NLGN1: variants seen among roughly 807,000 people sequenced by gnomAD.
The protein encoded by NLGN1 is neuroligin 1, also known as neuroligin-1.
NLGN1 carries 12 observed loss-of-function variants against 65.5 expected under a neutral mutation model. That is an observed-to-expected ratio of 0.18 (90% confidence interval 0.12 to 0.30). The LOEUF (loss-of-function observed/expected upper bound fraction) is 0.30. NLGN1 is among the 10% of genes least tolerant of loss of function. The pLI, the probability that NLGN1 is intolerant of heterozygous loss-of-function variation, is 1.00. For synonymous variants in NLGN1, 350 were observed against 359.5 expected (o/e 0.97, Z 0.30); for missense variants, 750 against 1,007.1 (o/e 0.74, Z 3.46).
At chr3:174,026,613 G>C (rs1728884416) in intron 4 of NLGN1, among the ~76,000 whole-genome samples, 1 of 152,150 alleles carries the variant, frequency 6.6e-6, no homozygotes, top group Non-Finnish European at 1.5e-5. Context: ...CATATATCAA[G>C]CTTAATAGAG....
intron 4 of NLGN1, among the ~76,000 whole-genome samples, chr3:173,926,652 C>A (rs558671795): frequency 6.6e-6 from 1 of 152,324 alleles, no homozygotes; most frequent in East Asian, 1.9e-4. Flanking sequence ...ATTTTCATTA[C>A]CTGTAGCTAT....
intron 3 of NLGN1, among the ~76,000 whole-genome samples, chr3:173,748,374 C>T (rs1183476222): frequency 6.6e-6 from 1 of 152,024 alleles, no homozygotes; most frequent in Non-Finnish European, 1.5e-5. Context: ...ATACTATCTA[C>T]TGGGTATGTG....
intron 4 of NLGN1, among the ~76,000 whole-genome samples, chr3:174,177,354 A>G (rs76662003): frequency 0.015 from 2,295 of 152,192 alleles, 58 homozygotes; most frequent in African/African-American, 0.052. Flanking sequence ...GCTTCTTCAG[A>G]AAATCACTAG....
At chr3:174,275,391 T>C in exon 5 of NLGN1, 3 of 1,612,682 alleles carry the variant, frequency 1.9e-6, no homozygotes, top group Non-Finnish European at 2.5e-6. Flanking sequence ...TAAGATGGAC[T>C]AGTGAAAACA....
At chr3:173,939,476 G>A (rs1282954921) in intron 4 of NLGN1, among the ~76,000 whole-genome samples, 2 of 152,064 alleles carry the variant, frequency 1.3e-5, no homozygotes, top group Non-Finnish European at 2.9e-5. Context: ...CCACAAGGAG[G>A]ATTATACATA....
At chr3:173,776,664 G>A (rs189019494) in intron 3 of NLGN1, among the ~76,000 whole-genome samples, 15 of 152,010 alleles carry the variant, frequency 9.9e-5, no homozygotes, top group Admixed American at 5.2e-4. Flanking sequence ...AATTGGGCAG[G>A]TATGGAAGTG....
At position 173,604,807 on chromosome 3, in the gene NLGN1, A is replaced by G. The variant is rs775571610; in HGVS notation, c.209A>G (p.Asn70Ser). ...ATAAGAGGGATTAAGAAGGAACTCAATAATGAAATTTTGGGGCCTGTTATT... is the reference window on the plus strand; with the variant it reads ...ATAAGAGGGATTAAGAAGGAACTCAGTAATGAAATTTTGGGGCCTGTTATT... The change falls in exon 3 of 7, where the codon AAT (asparagine) becomes AGT (serine). Residue 70 changes from asparagine to serine, a missense_variant. Asn to Ser is a conservative substitution (Grantham distance 46). Transcript: ENST00000457714. 7.1e-5 allele frequency: 115 copies of G among 1,613,694 alleles called. No individual in the cohort carries two copies. Among genetic ancestry groups the G allele is most frequent in the Non-Finnish European group, 8.4e-5 (99 of 1,179,784 alleles).
At chr3:173,521,438 A>G (rs1005108061) in intron 2 of NLGN1, among the ~76,000 whole-genome samples, 17 of 150,332 alleles carry the variant, frequency 1.1e-4, no homozygotes, top group Non-Finnish European at 1.8e-4. Flanking sequence ...CTCCTTGTAG[A>G]CAATATATGC....
chr3:174,003,384 A>T (rs1016218773), intron 4 of NLGN1, among the ~76,000 whole-genome samples: 2 of 152,178 alleles, frequency 1.3e-5, no homozygotes, highest in African/African-American at 4.8e-5. Context: ...CAGTAGCATT[A>T]GTATCACCTG....
chr3:173,644,377 A>T (rs1354679063), intron 3 of NLGN1: 1 of 155,710 alleles, frequency 6.4e-6, no homozygotes, highest in East Asian at 1.9e-4. Flanking sequence ...CTCTTCATTT[A>T]TGACACCTCC....
chr3:173,730,024 T>A (rs1368715932), intron 3 of NLGN1, among the ~76,000 whole-genome samples: 1 of 151,906 alleles, frequency 6.6e-6, no homozygotes, highest in East Asian at 1.9e-4. Context: ...GAAAAATGCA[T>A]TAATTCGAAA....
At chr3:173,966,121 C>T (rs1011904088) in intron 4 of NLGN1, among the ~76,000 whole-genome samples, 12 of 152,030 alleles carry the variant, frequency 7.9e-5, no homozygotes, top group African/African-American at 2.7e-4. Context: ...GTATTATTTC[C>T]GTAATAATTT....
intron 2 of NLGN1, among the ~76,000 whole-genome samples, chr3:173,589,804 C>T (rs1169542665): frequency 1.3e-5 from 2 of 151,994 alleles, no homozygotes; most frequent in Non-Finnish European, 2.9e-5. Flanking sequence ...CCCTGACACA[C>T]CCAATGAATG....
At chr3:174,120,643 C>A (rs1013651079) in intron 4 of NLGN1, among the ~76,000 whole-genome samples, 6 of 152,120 alleles carry the variant, frequency 3.9e-5, no homozygotes, top group Admixed American at 3.3e-4. Flanking sequence ...TTGAATTTAA[C>A]CCTATGGCAT....
At chr3:173,726,965 A>G (rs1771914657) in intron 3 of NLGN1, among the ~76,000 whole-genome samples, 1 of 151,928 alleles carries the variant, frequency 6.6e-6, no homozygotes, top group Non-Finnish European at 1.5e-5. Context: ...AAGAAGAAGA[A>G]GAAGAAAAAA....
At chr3:173,804,489 G>A (rs948474111) in intron 3 of NLGN1, among the ~76,000 whole-genome samples, 1 of 151,928 alleles carries the variant, frequency 6.6e-6, no homozygotes, top group Non-Finnish European at 1.5e-5. Flanking sequence ...TGATATATTT[G>A]CACAGAAGAT....
At chr3:174,172,217 A>C (rs2152735100) in intron 4 of NLGN1, among the ~76,000 whole-genome samples, 1 of 152,246 alleles carries the variant, frequency 6.6e-6, no homozygotes, top group East Asian at 1.9e-4. Flanking sequence ...ATTTTGATAT[A>C]GGCGTGCAGT....
At chr3:173,516,744 C>T (rs1221860191) in intron 2 of NLGN1, among the ~76,000 whole-genome samples, 3 of 152,024 alleles carry the variant, frequency 2.0e-5, no homozygotes, top group Admixed American at 6.6e-5. Context: ...ATGGTATTCT[C>T]TATCAGACAT....
intron 2 of NLGN1, among the ~76,000 whole-genome samples, chr3:173,565,830 A>G (rs1559976601): frequency 6.6e-6 from 1 of 151,350 alleles, no homozygotes; most frequent in Non-Finnish European, 1.5e-5. Flanking sequence ...AGATATTAGA[A>G]TGAAAATTTT....
Sources: allele counts gnomAD v4.1 joint callset (sites outside exome capture counted in the v4.1 genomes callset), GRCh38; gene constraint gnomAD v4.1.1; transcripts MANE v1.5; gene names NCBI Gene and HGNC (gene_info 2026-07-23, HGNC 2026-07-21).